The following PREX2 variants were observed in gnomAD, a reference collection of about 807,000 sequenced individuals.
The protein encoded by PREX2 is phosphatidylinositol-3,4,5-trisphosphate dependent Rac exchange factor 2, also known as phosphatidylinositol 3,4,5-trisphosphate-dependent Rac exchanger 2 protein.
PREX2 carries 107 observed loss-of-function variants against 203.2 expected under a neutral mutation model. That is an observed-to-expected ratio of 0.53 (90% CI 0.45 to 0.62). PREX2 has a LOEUF of 0.62. Ranked by LOEUF, PREX2 falls within the 20% of genes least tolerant of loss-of-function variation. PREX2 has a pLI of 0.00. For missense variants in PREX2, 1,777 were observed against 1,955.9 expected, an observed-to-expected ratio of 0.91 and a Z score of 1.72; for synonymous variants, 672 against 663.6, an observed-to-expected ratio of 1.01 and a Z score of -0.19.
At chr8:68,080,981 C>T (rs1293479952) in intron 17 of PREX2, 143 bp downstream of exon 17, 3 of 642,672 alleles carry the variant, frequency 4.7e-6, no homozygotes, top group Non-Finnish European at 8.2e-6. Context: ...TAATCTTACT[C>T]ACAGGTTCTA....
intron 33 of PREX2, among the ~76,000 whole-genome samples, chr8:68,142,232 T>G (rs967536831): frequency 6.6e-6 from 1 of 152,166 alleles, no homozygotes; most frequent in African/African-American, 2.4e-5. Flanking sequence ...ACCATTATAG[T>G]ATCATACAGA....
chr8:68,231,465 GAT>G lies in PREX2; in HGVS notation c.*89_*90del. 2.7e-6 allele frequency: 2 copies of G among 740,832 alleles called. No homozygotes were observed. Among genetic ancestry groups the G allele is most frequent in the Non-Finnish European group, 4.1e-6 (2 of 492,468 alleles). 45.9% of individuals were successfully genotyped at this position (740,832 alleles called of 1,614,324 possible). ...TGCTGGCTAAACATTCTCCACTGAAGATACATCAATGCTTTTTTTTTTTTTTT... is the reference window on the plus strand; with the variant it reads ...TGCTGGCTAAACATTCTCCACTGAAGACATCAATGCTTTTTTTTTTTTTTT... On this transcript the variant is annotated 3_prime_UTR_variant, in exon 40 of 40. Coordinates refer to ENST00000288368, the MANE Select transcript of PREX2 (RefSeq NM_024870.4).
chr8:68,189,456 G>T (rs1443944981), intron 35 of PREX2, among the ~76,000 whole-genome samples: 1 of 152,112 alleles, frequency 6.6e-6, no homozygotes, highest in Non-Finnish European at 1.5e-5. Context: ...TTCCTTTTAT[G>T]ATGACAGCAC....
At chr8:68,045,122 T>C (rs1038920472) in intron 8 of PREX2, among the ~76,000 whole-genome samples, 2 of 152,062 alleles carry the variant, frequency 1.3e-5, no homozygotes, top group African/African-American at 4.8e-5. Context: ...GTAGTAACTT[T>C]TTGCTTCATA....
At chr8:68,070,184 T>C (rs896908861) in intron 13 of PREX2, among the ~76,000 whole-genome samples, 1 of 151,770 alleles carries the variant, frequency 6.6e-6, no homozygotes, top group African/African-American at 2.4e-5. Context: ...AGTTGATTGA[T>C]TGGGAGAGGA....
chr8:67,975,272 G>GTTTTTTT (rs75276095), intron 1 of PREX2, among the ~76,000 whole-genome samples: 2 of 96,822 alleles, frequency 2.1e-5, no homozygotes, highest in African/African-American at 4.5e-5. Context: ...CACACGGCCT[G>GTTTTTTT]TTTTTTTTTT....
At chr8:68,095,521 A>T (rs72660897) in intron 21 of PREX2, among the ~76,000 whole-genome samples, 9 of 102,028 alleles carry the variant, frequency 8.8e-5, no homozygotes, top group Middle Eastern at 5.1e-3. Context: ...ACATACATAC[A>T]TACATACATA....
chr8:68,010,171 T>C (rs577083776), intron 1 of PREX2, among the ~76,000 whole-genome samples: 1 of 152,342 alleles, frequency 6.6e-6, no homozygotes, highest in South Asian at 2.1e-4. Flanking sequence ...GGAAGATAAA[T>C]GTATGATTAG....
chr8:67,997,818 G>T (rs1377718642), intron 1 of PREX2, among the ~76,000 whole-genome samples: 2 of 151,982 alleles, frequency 1.3e-5, no homozygotes, highest in Admixed American at 6.6e-5. Context: ...CTTCTCCCAA[G>T]ATCATGATAT....
intron 1 of PREX2, among the ~76,000 whole-genome samples, chr8:67,996,141 C>T (rs2129609603): frequency 6.6e-6 from 1 of 151,996 alleles, no homozygotes. Context: ...TCTGTTATGT[C>T]CAAGTTTTTA....
At chr8:68,137,683 A>G (rs1018125017) in intron 32 of PREX2, among the ~76,000 whole-genome samples, 10 of 152,284 alleles carry the variant, frequency 6.6e-5, no homozygotes, top group African/African-American at 2.4e-4. Flanking sequence ...AATGCATTAA[A>G]CTCCTAATAG....
At chr8:68,194,577 G>A (rs965679080) in intron 37 of PREX2, among the ~76,000 whole-genome samples, 1 of 151,400 alleles carries the variant, frequency 6.6e-6, no homozygotes, top group Non-Finnish European at 1.5e-5. Flanking sequence ...CACTTGAGGA[G>A]GTCAGGAGTT....
At chr8:68,208,188 TGAGA>T (rs1233363270) in intron 37 of PREX2, among the ~76,000 whole-genome samples, 7 of 152,104 alleles carry the variant, frequency 4.6e-5, no homozygotes, top group Non-Finnish European at 1.0e-4. Context: ...AGGAGATATT[TGAGA>T]GATAGTATAA....
intron 35 of PREX2, among the ~76,000 whole-genome samples, chr8:68,164,363 T>TAC (rs1390446104): frequency 1.3e-5 from 2 of 151,278 alleles, no homozygotes; most frequent in African/African-American, 4.9e-5. Flanking sequence ...TATATATATA[T>TAC]ATACACACAC....
Position 68,074,783 on chromosome 8 carries a change from A to T in PREX2, c.1569+2213A>T, listed in dbSNP as rs185362265. Among the ~76,000 whole-genome samples the T allele has an allele frequency of 6.3e-3, 957 of 152,236 alleles. 2 individuals carry two copies. Among genetic ancestry groups the T allele is most frequent in the Middle Eastern group, 0.014 (4 of 294 alleles). ...GGACTGAGACACTGAATTGATTTGGACGGTTTTAGAACACAGAGTAAAAAA... is the reference window on the plus strand; with the variant it reads ...GGACTGAGACACTGAATTGATTTGGTCGGTTTTAGAACACAGAGTAAAAAA... On this transcript the variant is annotated intron_variant, in intron 14 of 39. Coordinates refer to ENST00000288368, the MANE Select transcript of PREX2 (RefSeq NM_024870.4).
chr8:68,171,068 G>A (rs1303001869), intron 35 of PREX2, among the ~76,000 whole-genome samples: 1 of 152,136 alleles, frequency 6.6e-6, no homozygotes, highest in African/African-American at 2.4e-5. Context: ...AAATCAAAAA[G>A]AGAAACAAGT....
chr8:68,152,693 A>C (rs4471021), intron 34 of PREX2, among the ~76,000 whole-genome samples: 42,057 of 152,072 alleles, frequency 0.28, 5,833 homozygotes, highest in Non-Finnish European at 0.3. Context: ...GGCACAAGGA[A>C]GGCCTGGATT....
At chr8:68,056,948 G>T (rs1808696190) in intron 10 of PREX2, among the ~76,000 whole-genome samples, 1 of 152,162 alleles carries the variant, frequency 6.6e-6, no homozygotes, top group Non-Finnish European at 1.5e-5. Context: ...TCACTGGGAT[G>T]CCTTTTTAAC....
At chr8:68,223,184 T>C (rs545207578) in intron 38 of PREX2, 2 of 152,366 alleles carry the variant, frequency 1.3e-5, no homozygotes, top group African/African-American at 4.8e-5. Context: ...ACACTGTGGT[T>C]AAGTGAAGGG....
Sources: gnomAD v4.1 joint callset for allele counts (sites outside exome capture counted in the v4.1 genomes callset) on GRCh38, gnomAD v4.1.1 for gene constraint, MANE v1.5 for transcripts, NCBI Gene and HGNC (gene_info 2026-07-23, HGNC 2026-07-21) for gene names.